The following NPHS1 variants were observed in gnomAD, a reference collection of about 807,000 sequenced individuals.
NPHS1 encodes NPHS1 adhesion molecule, nephrin, also known as nephrin.
Under a neutral mutation model 139.7 loss-of-function variants are expected in NPHS1, and 107 were observed. That is an observed-to-expected ratio of 0.77 (90% CI 0.66 to 0.90). NPHS1 has a LOEUF of 0.90. Among genes scored for constraint, NPHS1 ranks in the 40% least tolerant of loss-of-function variants. The pLI is 0.00. For missense variants in NPHS1, 1,580 were observed against 1,654.2 expected (o/e 0.96, Z 0.78); for synonymous variants, 707 against 706.6 (o/e 1.00, Z -0.01).
intron 28 of NPHS1, 131 bp downstream of exon 28, chr19:35,830,713 G>A (rs1437875147): frequency 1.3e-6 from 1 of 762,056 alleles, no homozygotes; most frequent in Non-Finnish European, 2.4e-6. Flanking sequence ...CCAGCCGACT[G>A]TCTTTAAGCC....
At position 35,848,904 on chromosome 19, in the gene NPHS1, T is replaced by C. The variant is rs117418914; in HGVS notation, c.1012+72A>G. 7.2e-3 allele frequency: 11,535 copies of C among 1,610,478 alleles called. 44 individuals are homozygous for C. Among genetic ancestry groups the C allele is most frequent in the Non-Finnish European group, 8.0e-3 (9,466 of 1,178,524 alleles). On this transcript the variant is annotated intron_variant, in intron 8 of 28. Coordinates refer to ENST00000378910, the MANE Select transcript of NPHS1 (RefSeq NM_004646.4). ...TGAGATCTTTGGCATCCAGTAGGCA[T>C]AATTTGGGGGCACACACAGATGGTT...
Position 35,831,469 on chromosome 19 carries a change from C to T in NPHS1, c.3311+7G>A, listed in dbSNP as rs1972883021. The T allele has an allele frequency of 6.2e-7, 1 of 1,613,882 alleles. No individual in the cohort carries two copies. The highest frequency in any genetic ancestry group is 1.1e-5 in the South Asian group (1 of 91,084). On this transcript the variant is annotated splice_region_variant and intron_variant, in intron 25 of 28. Coordinates refer to ENST00000378910, the MANE Select transcript of NPHS1 (RefSeq NM_004646.4). ...AGCCTTCTTTACAGAAAAATATCCC[C>T]ACTTACCCTGCCTCTGTCTTCTCTG...
At chr19:35,849,457 T>C in intron 6 of NPHS1, 93 bp downstream of exon 6, 1 of 1,597,368 alleles carries the variant, frequency 6.3e-7, no homozygotes, top group Non-Finnish European at 8.6e-7. Flanking sequence ...TTTCTCTGAG[T>C]GCCTGAATTT....
rs769182448 is a variant in NPHS1 at position 35,845,334 on chromosome 19, G to T, written c.1930+34C>A. On this transcript the variant is annotated intron_variant, in intron 14 of 28. Coordinates refer to ENST00000378910, the MANE Select transcript of NPHS1 (RefSeq NM_004646.4). The surrounding 1 kb of genome is among the most constrained non-coding windows in gnomAD (Gnocchi z 5.5). ...CAAGGAGTAGTTTAGGGTCAAGAAG[G>T]CATCGAGAGGGGCTTTCAGGCCGGG... is the stretch of plus-strand genomic sequence containing the variant. 1 of 1,609,922 alleles carries T rather than the reference G, an allele frequency of 6.2e-7. No individual in the cohort carries two copies. Among genetic ancestry groups the T allele is most frequent in the Non-Finnish European group, 8.5e-7 (1 of 1,176,206 alleles).
chr19:35,833,986 G>A (rs1972919083), intron 23 of NPHS1, among the ~76,000 whole-genome samples: 1 of 152,202 alleles, frequency 6.6e-6, no homozygotes, highest in Non-Finnish European at 1.5e-5. Context: ...ATAGGCATGA[G>A]CCACTGTGCC....
At position 35,831,245 on chromosome 19, in the gene NPHS1, A is replaced by G. The variant is rs770422729; in HGVS notation, c.3387+51T>C. On this transcript the variant is annotated intron_variant, in intron 26 of 28. Coordinates refer to ENST00000378910, the MANE Select transcript of NPHS1 (RefSeq NM_004646.4). The stretch of plus-strand genomic sequence containing the variant: ...AACCTGATGCTAACGGCAGGGCTTC[A>G]GTCGCCGTCGGTGCCCTGATTGTGG... 4 of 1,607,520 alleles carry G rather than the reference A, an allele frequency of 2.5e-6. No individual in the cohort carries two copies. In the South Asian group the frequency reaches 3.3e-5, roughly 13 times the overall value.
At chr19:35,833,688 T>C (rs455322) in intron 23 of NPHS1, among the ~76,000 whole-genome samples, 74,625 of 151,642 alleles carry the variant, frequency 0.49, 19,922 homozygotes, top group East Asian at 0.71. Context: ...TTATTTCATA[T>C]ACCAAGACTT....
Position 35,845,339 on chromosome 19 carries a change from G to A in NPHS1, c.1930+29C>T. 6.2e-7 allele frequency: 1 copy of A among 1,613,418 alleles called. No individual in the cohort carries two copies. On this transcript the variant is annotated intron_variant, in intron 14 of 28. Coordinates refer to ENST00000378910, the MANE Select transcript of NPHS1 (RefSeq NM_004646.4). The surrounding 1 kb of genome is among the most constrained non-coding windows in gnomAD (Gnocchi z 5.5). ...AGTAGTTTAGGGTCAAGAAGGCATC[G>A]AGAGGGGCTTTCAGGCCGGGGCACA... is the stretch of plus-strand genomic sequence containing the variant.
chr19:35,837,879 G>A (rs917320770), intron 22 of NPHS1, among the ~76,000 whole-genome samples: 2 of 148,478 alleles, frequency 1.3e-5, no homozygotes, highest in African/African-American at 5.0e-5. Flanking sequence ...TGGGATTACA[G>A]GCATGAGCCA....
In NPHS1 at chr19:35,830,299, T is replaced by C. The variant is rs189933732; in HGVS notation, c.3594+545A>G. Among the ~76,000 whole-genome samples, 235 of 152,392 alleles carry C rather than the reference T, an allele frequency of 1.5e-3. 1 individual carries two copies. Among genetic ancestry groups the C allele is most frequent in the African/African-American group, 5.4e-3 (223 of 41,600 alleles). On this transcript the variant is annotated intron_variant, in intron 28 of 28. Coordinates refer to ENST00000378910, the MANE Select transcript of NPHS1 (RefSeq NM_004646.4). ...GGCCACAAGGCAGGGTTGTGCCTCCTCCACATTCTTTCACCTTTTCCCATG... is the reference window on the plus strand; with the variant it reads ...GGCCACAAGGCAGGGTTGTGCCTCCCCCACATTCTTTCACCTTTTCCCATG...
At position 35,851,958 on chromosome 19, in the gene NPHS1, G is replaced by A. The variant is rs560706521; in HGVS notation, c.-121C>T. 69 of 802,756 alleles carry A rather than the reference G, an allele frequency of 8.6e-5. No homozygotes were observed. The East Asian group carries it at 1.3e-3, about 15-fold the overall frequency. 49.7% of individuals were successfully genotyped at this position (802,756 alleles called of 1,614,324 possible). On this transcript the variant is annotated 5_prime_UTR_variant, in exon 1 of 29. It adds an upstream start codon to the 5' untranslated region. Coordinates refer to ENST00000378910, the MANE Select transcript of NPHS1 (RefSeq NM_004646.4). ...CTGCTTTTCTTTTTTATCTCTTTCC[G>A]TTACTCTCCTCCCTTTCTCGTTTTC... is the stretch of plus-strand genomic sequence containing the variant.
In NPHS1 at chr19:35,835,712, T is replaced by C. The variant is rs1205021840; in HGVS notation, c.3159A>G (p.Pro1053=). 1 of 1,613,310 alleles carries C rather than the reference T, an allele frequency of 6.2e-7. No homozygotes were observed. The highest frequency in any genetic ancestry group is 8.5e-7 in the Non-Finnish European group (1 of 1,179,672). ...AGGGGACTGAGGACTTGCCTGAAGG[T>C]GGCTCTGTGGGCAGCTGGTCTTCAG... ...GEPEDQLPTE[P]PSGPSGLPLL... is the part of the protein sequence containing the mutation. The change falls in exon 23 of 29, where the codon CCA becomes CCG. Residue 1053 remains proline (P), a synonymous_variant. Transcript: ENST00000378910.
chr19:35,843,783 C>T (rs1027358269), intron 16 of NPHS1, 190 bp from the exon 17 acceptor site: 4 of 704,516 alleles, frequency 5.7e-6, no homozygotes, highest in African/African-American at 1.8e-5. Flanking sequence ...CTCCACTATG[C>T]CTCTGTGATA....
intron 28 of NPHS1, among the ~76,000 whole-genome samples, chr19:35,827,801 C>T (rs1245013394): frequency 6.6e-6 from 1 of 152,032 alleles, no homozygotes; most frequent in East Asian, 1.9e-4. Context: ...CCTGTAATCC[C>T]AGCTACTTGG....
chr19:35,831,660 A>C lies in NPHS1; in HGVS notation c.3269T>G (p.Leu1090Arg), dbSNP rs749710554. ...CTCCTCACCCTCAGCAAGACGCCTG[A>C]GTCTCCGCTGCCAGAGGACCCCCCC... ...CVGGVLWQRR[L>R]RRLAEGISEK... Residue 1090 changes from leucine to arginine, a missense_variant, in exon 24 of 29, where the codon CTC becomes CGC. Coordinates refer to ENST00000378910, the MANE Select transcript of NPHS1 (RefSeq NM_004646.4). 18 of 1,612,646 alleles carry C rather than the reference A, an allele frequency of 1.1e-5. No homozygotes were observed. The highest frequency in any genetic ancestry group is 1.5e-5 in the Non-Finnish European group (18 of 1,179,552).
rs763162233 is a variant in NPHS1, at chr19:35,841,796, C to T, written c.2734G>A (p.Ala912Thr). ...SLLTIANVSA[A>T]QDYALFTCTA... ...CATGTGAAGAGGGCGTAATCCTGGGCGGCAGACACGTTGGCAATGGTCAGG... is the reference window on the plus strand; with the variant it reads ...CATGTGAAGAGGGCGTAATCCTGGGTGGCAGACACGTTGGCAATGGTCAGG... Residue 912 changes from alanine to threonine, a missense_variant, in exon 20 of 29, where the codon GCC becomes ACC. Ala to Thr is a moderately conservative substitution (Grantham distance 58). Transcript: ENST00000378910. 3.2e-5 allele frequency: 51 copies of T among 1,614,004 alleles called. No homozygotes were observed. The African/African-American group carries it at 3.5e-4, about 11-fold the overall frequency.
At chr19:35,843,991 G>A (rs1973097409) in intron 16 of NPHS1, 112 bp downstream of exon 16, 2 of 1,436,574 alleles carry the variant, frequency 1.4e-6, no homozygotes, top group Admixed American at 1.9e-5. Context: ...AGAACGGGAG[G>A]GTTCCAGGAT....
At chr19:35,842,087 T>C (rs1408133269) in intron 19 of NPHS1, 37 bp downstream of exon 19, 9 of 1,587,290 alleles carry the variant, frequency 5.7e-6, no homozygotes, top group Non-Finnish European at 6.9e-6. Flanking sequence ...GGTCCAGACC[T>C]GGGGCTGGAG....
chr19:35,847,830 T>G, intron 11 of NPHS1: 1 of 528,096 alleles, frequency 1.9e-6, no homozygotes, highest in Non-Finnish European at 3.3e-6. Flanking sequence ...TATCCTAAAA[T>G]TCTCACTGTT....
Sources: gnomAD v4.1 joint callset for allele counts (sites outside exome capture counted in the v4.1 genomes callset) on GRCh38, gnomAD v4.1.1 for gene constraint, Gnocchi (gnomAD v3.1) non-coding constraint, MANE v1.5 for transcripts, NCBI Gene and HGNC (gene_info 2026-07-23, HGNC 2026-07-21) for gene names.